FRAS1: variants seen among roughly 807,000 people sequenced by gnomAD.
FRAS1 encodes the protein extracellular matrix organizing protein FRAS1.
A neutral mutation model predicts 435.2 loss-of-function variants in FRAS1; 290 were observed. The ratio of observed to expected loss-of-function variants is 0.67; its 90% CI spans 0.61 to 0.73. The LOEUF is 0.73. FRAS1 is among the 30% of genes least tolerant of loss of function. FRAS1 has a pLI of 0.00. For missense variants in FRAS1, 4,860 were observed against 5,001.5 expected (o/e 0.97, Z 0.85); for synonymous variants, 1,800 against 1,851.0 (o/e 0.97, Z 0.71).
At chr4:78,249,078 T>TATATATATATGCATATATATATATATGC (rs1725406694) in intron 4 of FRAS1, among the ~76,000 whole-genome samples, 1 of 112,432 alleles carries the variant, frequency 8.9e-6, no homozygotes, top group African/African-American at 3.2e-5. Flanking sequence ...TATATATATA[T>TATATATATATGCATATATATATATATGC]ATATATATGC....
intron 39 of FRAS1, 78 bp downstream of exon 39, chr4:78,438,796 G>T (rs186403342): frequency 6.6e-7 from 1 of 1,503,882 alleles, no homozygotes; most frequent in Admixed American, 2.0e-5. Flanking sequence ...TTGTAGCTCT[G>T]TTGAAAGAAT....
At chr4:78,293,623 G>A (rs990352974) in intron 14 of FRAS1, among the ~76,000 whole-genome samples, 1 of 152,180 alleles carries the variant, frequency 6.6e-6, no homozygotes, top group African/African-American at 2.4e-5. Flanking sequence ...TGTCCATGGA[G>A]TATTTCAGGC....
chr4:78,451,976 C>A, intron 46 of FRAS1, 85 bp downstream of exon 46: 1 of 1,403,696 alleles, frequency 7.1e-7, no homozygotes, highest in Non-Finnish European at 9.7e-7. Flanking sequence ...CCTCGAGGCT[C>A]GAGTCCTTCC....
intron 19 of FRAS1, among the ~76,000 whole-genome samples, chr4:78,335,923 A>G (rs1329397721): frequency 7.7e-6 from 1 of 130,110 alleles, no homozygotes; most frequent in Admixed American, 7.8e-5. Flanking sequence ...TTTTTTTGGT[A>G]TATACAGGAA....
At chr4:78,155,038 CT>C (rs1180374666) in intron 2 of FRAS1, among the ~76,000 whole-genome samples, 2 of 152,136 alleles carry the variant, frequency 1.3e-5, no homozygotes, top group Non-Finnish European at 2.9e-5. Flanking sequence ...CATAGGATTG[CT>C]TTTGGTTATT....
chr4:78,257,952 T>G (rs991411371), intron 6 of FRAS1, among the ~76,000 whole-genome samples: 2 of 152,202 alleles, frequency 1.3e-5, no homozygotes, highest in Admixed American at 6.5e-5. Context: ...TTCAGTCTGA[T>G]GAGAGTTCTT....
intron 2 of FRAS1, among the ~76,000 whole-genome samples, chr4:78,175,610 C>T (rs556347062): frequency 5.3e-5 from 8 of 152,102 alleles, no homozygotes; most frequent in Non-Finnish European, 1.0e-4. Flanking sequence ...AGCAGGGAGC[C>T]AATATTAATT....
At chr4:78,285,680 C>T (rs974343668) in intron 13 of FRAS1, among the ~76,000 whole-genome samples, 14 of 152,208 alleles carry the variant, frequency 9.2e-5, no homozygotes, top group Admixed American at 6.5e-4. Flanking sequence ...GATCCACCCA[C>T]CTATGCCTCC....
intron 42 of FRAS1, chr4:78,446,014 T>A: frequency 1.6e-6 from 2 of 1,237,542 alleles, no homozygotes; most frequent in Non-Finnish European, 2.0e-6. Flanking sequence ...CTTACATATG[T>A]CTATGTTTCT....
At chr4:78,486,679 C>T (rs920400824) in intron 58 of FRAS1, among the ~76,000 whole-genome samples, 3 of 152,202 alleles carry the variant, frequency 2.0e-5, no homozygotes, top group Non-Finnish European at 4.4e-5. Flanking sequence ...CAACATAAAT[C>T]CCCTGTGCTA....
intron 9 of FRAS1, among the ~76,000 whole-genome samples, chr4:78,272,597 C>T (rs112797244): frequency 2.0e-5 from 3 of 152,044 alleles, no homozygotes; most frequent in African/African-American, 7.2e-5. Context: ...GTTTTTGTCA[C>T]GTTTGTCAAA....
chr4:78,488,933 G>A lies in FRAS1; in HGVS notation c.8811G>A (p.Leu2937=), dbSNP rs1431337888. ...LLLVKEKEGV[L]HVPITRSGDL... Reference sequence around the variant, plus strand: ...TAGTGAAGGAGAAGGAGGGTGTCCTGCATGTCCCTATCACTCGGAGCGGAG... The same window carrying A: ...TAGTGAAGGAGAAGGAGGGTGTCCTACATGTCCCTATCACTCGGAGCGGAG... Residue 2937 remains leucine, a synonymous_variant, in exon 59 of 74, where the codon CTG becomes CTA. Coordinates refer to ENST00000512123, the MANE Select transcript of FRAS1 (RefSeq NM_025074.7). 2.5e-6 allele frequency: 4 copies of A among 1,613,334 alleles called. No individual in the cohort carries two copies. Among genetic ancestry groups the A allele is most frequent in the Non-Finnish European group, 3.4e-6 (4 of 1,179,698 alleles).
chr4:78,072,035 C>T (rs1289926294), intron 2 of FRAS1: 1 of 146,968 alleles, frequency 6.8e-6, no homozygotes, highest in African/African-American at 2.6e-5. Context: ...TTTTTGTTGT[C>T]GTGGTTTTTT....
intron 2 of FRAS1, among the ~76,000 whole-genome samples, chr4:78,173,782 A>C (rs17003018): frequency 0.64 from 97,166 of 152,022 alleles, 31,951 homozygotes; most frequent in Non-Finnish European, 0.72. Context: ...AAGACATTCT[A>C]ATTTCTTACT....
intron 35 of FRAS1, 58 bp downstream of exon 35, chr4:78,424,478 T>C: frequency 1.2e-6 from 1 of 802,172 alleles, no homozygotes; most frequent in Non-Finnish European, 1.9e-6. Flanking sequence ...TTATTAGTTC[T>C]TTCTTTTTGT....
At chr4:78,114,778 G>A (rs540177755) in intron 2 of FRAS1, among the ~76,000 whole-genome samples, 29 of 152,344 alleles carry the variant, frequency 1.9e-4, no homozygotes, top group Admixed American at 8.5e-4. Flanking sequence ...CTGCAAACAG[G>A]GACAATGTGA....
chr4:78,439,704 A>C (rs2109824286), intron 40 of FRAS1, among the ~76,000 whole-genome samples: 1 of 152,182 alleles, frequency 6.6e-6, no homozygotes, highest in South Asian at 2.1e-4. Flanking sequence ...TGTGTTGCCC[A>C]GGCTGAACTG....
At chr4:78,188,273 CTG>C (rs1722363929) in intron 2 of FRAS1, among the ~76,000 whole-genome samples, 1 of 2,746 alleles carries the variant, frequency 3.6e-4, no homozygotes, top group Admixed American at 0.01. Flanking sequence ...GACAGTCTAT[CTG>C]TCTGTCTATC....
intron 18 of FRAS1, among the ~76,000 whole-genome samples, chr4:78,325,412 C>T (rs185576130): frequency 7.0e-4 from 107 of 152,290 alleles, no homozygotes; most frequent in Non-Finnish European, 5.9e-4. Flanking sequence ...TAAAAAAATA[C>T]GTGGGCAGGA....
Sources: gnomAD v4.1 joint callset for allele counts (sites outside exome capture counted in the v4.1 genomes callset) on GRCh38, gnomAD v4.1.1 for gene constraint, MANE v1.5 for transcripts, NCBI Gene and HGNC (gene_info 2026-07-23, HGNC 2026-07-21) for gene names.